The following PEX14 variants were observed in gnomAD, a reference collection of about 807,000 sequenced individuals.
PEX14 encodes peroxisomal membrane protein PEX14.
In PEX14, 15 loss-of-function variants were observed where a neutral mutation model predicts 49.5. That is an observed-to-expected ratio of 0.30 (90% confidence interval 0.20 to 0.47). The LOEUF is 0.47. Among genes scored for constraint, PEX14 ranks in the 20% least tolerant of loss-of-function variants. The probability of loss-of-function intolerance (pLI) is 1.00; values close to 1 mark genes in which losing one functional copy is unlikely to be tolerated. For missense variants in PEX14, 398 were observed against 494.8 expected (o/e 0.80, Z 1.86); for synonymous variants, 210 against 212.7 (o/e 0.99, Z 0.11).
At chr1:10,555,929 TA>T (rs1400762755) in intron 3 of PEX14, among the ~76,000 whole-genome samples, 1 of 151,560 alleles carries the variant, frequency 6.6e-6, no homozygotes, top group Non-Finnish European at 1.5e-5. Context: ...ACACAAGCAT[TA>T]GGGGAGGAAG....
At chr1:10,550,810 A>G (rs1166246325) in intron 3 of PEX14, among the ~76,000 whole-genome samples, 3 of 152,198 alleles carry the variant, frequency 2.0e-5, no homozygotes, top group Admixed American at 6.5e-5. Flanking sequence ...CCCCTTGAAG[A>G]ATCACATTGT....
chr1:10,541,053 C>T (rs1177681666), intron 3 of PEX14, among the ~76,000 whole-genome samples: 2 of 152,088 alleles, frequency 1.3e-5, no homozygotes, highest in Non-Finnish European at 2.9e-5. Flanking sequence ...TCGTTATAGA[C>T]GACCAGAGGA....
rs534428223 is a variant in PEX14 at position 10,534,664 on chromosome 1, C to T, written c.85-1549C>T. On this transcript the variant is annotated intron_variant, in intron 2 of 8. Transcript: ENST00000356607. ...ACTGGTCTATTACTGTGGTTCATGA[C>T]GGTGGTTAGTACTGTCGGCAGCATT... is the stretch of plus-strand genomic sequence containing the variant. 4.0e-4 allele frequency among the ~76,000 whole-genome samples: 61 copies of T among 152,068 alleles called. 1 individual carries two copies. Among genetic ancestry groups the T allele is most frequent in the Middle Eastern group, 6.8e-3 (2 of 294 alleles).
intron 7 of PEX14, among the ~76,000 whole-genome samples, chr1:10,625,922 C>T (rs761556761): frequency 7.2e-5 from 11 of 152,174 alleles, no homozygotes; most frequent in Admixed American, 2.6e-4. Context: ...CCTTCTCTCC[C>T]GAGCTGCATG....
At chr1:10,578,549 A>G (rs968481777) in intron 3 of PEX14, among the ~76,000 whole-genome samples, 4 of 152,172 alleles carry the variant, frequency 2.6e-5, no homozygotes, top group Admixed American at 6.5e-5. Flanking sequence ...TTAAAAAACT[A>G]CTAGATGTGA....
chr1:10,609,515 G>C (rs892739705), intron 4 of PEX14, among the ~76,000 whole-genome samples: 7 of 152,056 alleles, frequency 4.6e-5, no homozygotes, highest in Admixed American at 3.9e-4. Flanking sequence ...CCTTTATGTC[G>C]TCCTTTTCCC....
chr1:10,590,983 A>G (rs923243243), intron 3 of PEX14, among the ~76,000 whole-genome samples: 1 of 152,132 alleles, frequency 6.6e-6, no homozygotes, highest in African/African-American at 2.4e-5. Context: ...GCCCTAGTGC[A>G]CCAAACTCTT....
At chr1:10,520,151 T>C (rs553609076) in intron 2 of PEX14, among the ~76,000 whole-genome samples, 2,261 of 76,176 alleles carry the variant, frequency 0.03, 86 homozygotes, top group African/African-American at 0.078. Flanking sequence ...TCTTCTTCTT[T>C]TTTTTTTTTT....
chr1:10,577,425 A>G (rs1032111604), intron 3 of PEX14, among the ~76,000 whole-genome samples: 1 of 136,996 alleles, frequency 7.3e-6, no homozygotes, highest in African/African-American at 2.8e-5. Context: ...AAAAAAAACC[A>G]AAAAACAATT....
intron 4 of PEX14, among the ~76,000 whole-genome samples, chr1:10,602,027 A>G (rs1416543935): frequency 6.6e-6 from 1 of 152,160 alleles, no homozygotes; most frequent in Non-Finnish European, 1.5e-5. Context: ...CTAAAACATC[A>G]TATGTTCACC....
chr1:10,526,221 A>ATTTTT (rs35251972), intron 2 of PEX14, among the ~76,000 whole-genome samples: 1 of 127,142 alleles, frequency 7.9e-6, no homozygotes, highest in Non-Finnish European at 1.6e-5. Context: ...CGCCCGGCTG[A>ATTTTT]TTTTTTTTTT....
chr1:10,526,329 C>A (rs1458375040), intron 2 of PEX14, among the ~76,000 whole-genome samples: 2 of 151,822 alleles, frequency 1.3e-5, no homozygotes, highest in Non-Finnish European at 2.9e-5. Context: ...AGTGATTCTC[C>A]TGCCTTAGCT....
At chr1:10,598,554 C>G (rs767479144) in intron 3 of PEX14, among the ~76,000 whole-genome samples, 1 of 152,152 alleles carries the variant, frequency 6.6e-6, no homozygotes, top group African/African-American at 2.4e-5. Context: ...TTTAGAGTGT[C>G]GGGAGGATTT....
chr1:10,618,268 C>T, intron 4 of PEX14, 64 bp from the exon 5 acceptor site: 1 of 1,312,500 alleles, frequency 7.6e-7, no homozygotes, highest in Admixed American at 1.7e-5. Flanking sequence ...GCACCTGTGC[C>T]AGCCCCCACC....
intron 3 of PEX14, among the ~76,000 whole-genome samples, chr1:10,544,446 A>G (rs953891012): frequency 1.3e-5 from 2 of 152,214 alleles, no homozygotes; most frequent in Non-Finnish European, 2.9e-5. Context: ...AGAGTAAGCC[A>G]TGCTCAGGAG....
chr1:10,475,124 C>G (rs984416694), intron 1 of PEX14, 122 bp downstream of exon 1: 3 of 922,166 alleles, frequency 3.3e-6, no homozygotes, highest in Non-Finnish European at 5.2e-6. Flanking sequence ...CGACCTCTTG[C>G]CCCCTCCTGA....
At chr1:10,598,438 T>A (rs1411430522) in intron 3 of PEX14, among the ~76,000 whole-genome samples, 1 of 152,214 alleles carries the variant, frequency 6.6e-6, no homozygotes, top group Non-Finnish European at 1.5e-5. Flanking sequence ...GCGGCCTTCA[T>A]GGGTTTTCAT....
rs1021818748 is a variant in PEX14 at position 10,613,524 on chromosome 1, G to A, written c.299-4808G>A. On this transcript the variant is annotated intron_variant, in intron 4 of 8. Coordinates refer to ENST00000356607, the MANE Select transcript of PEX14 (RefSeq NM_004565.3). This position sits in a 1 kb window ranked among gnomAD's most constrained non-coding sequence, Gnocchi z 5.0. The stretch of plus-strand genomic sequence containing the variant: ...GCGCCACAGCGTAGAGGCAGTCCAG[G>A]AAGGCCCAGGTGTGCAGGATGAGGA... Among the ~76,000 whole-genome samples, 2 of 152,160 alleles carry A rather than the reference G, an allele frequency of 1.3e-5. No individual in the cohort carries two copies. The highest frequency in any genetic ancestry group is 2.9e-5 in the Non-Finnish European group (2 of 68,032).
chr1:10,599,941 A>G (rs1022303938), intron 4 of PEX14, among the ~76,000 whole-genome samples: 2 of 152,192 alleles, frequency 1.3e-5, no homozygotes, highest in South Asian at 2.1e-4. Context: ...ATCATGACCC[A>G]TGAGGGGTCT....
Sources: allele counts gnomAD v4.1 joint callset (sites outside exome capture counted in the v4.1 genomes callset), GRCh38; gene constraint gnomAD v4.1.1; non-coding constraint Gnocchi (gnomAD v3.1); transcripts MANE v1.5; gene names NCBI Gene and HGNC (gene_info 2026-07-23, HGNC 2026-07-21).